Variants in GNG12 observed in about 807,000 individuals in gnomAD.
GNG12 encodes guanine nucleotide-binding protein G(I)/G(S)/G(O) subunit gamma-12.
For missense variants in GNG12, 69 were observed against 83.8 expected, an observed-to-expected ratio of 0.82 and a Z score of 0.69; for synonymous variants, 28 against 29.7, an observed-to-expected ratio of 0.94 and a Z score of 0.19.
intron 2 of GNG12, among the ~76,000 whole-genome samples, chr1:67,711,269 C>T (rs1334401227): frequency 1.3e-5 from 2 of 152,156 alleles, no homozygotes; most frequent in Non-Finnish European, 2.9e-5. Context: ...CTACCTTTCT[C>T]AGTTCTATGG....
intron 1 of GNG12, among the ~76,000 whole-genome samples, chr1:67,828,104 C>G (rs971701433): frequency 6.6e-6 from 1 of 152,152 alleles, no homozygotes; most frequent in East Asian, 1.9e-4. Context: ...TCTGTACTAT[C>G]CAGACCCCCT....
intron 2 of GNG12, among the ~76,000 whole-genome samples, chr1:67,719,419 C>G (rs752669991): frequency 7.2e-5 from 11 of 152,136 alleles, no homozygotes; most frequent in Non-Finnish European, 1.3e-4. Flanking sequence ...GAGTTGTGCA[C>G]TAATGCCCTA....
chr1:67,709,578 T>C (rs1646269340), intron 2 of GNG12, among the ~76,000 whole-genome samples: 1 of 151,690 alleles, frequency 6.6e-6, no homozygotes, highest in South Asian at 2.1e-4. Context: ...GACAAGCTCA[T>C]TTCAACACAT....
chr1:67,803,612 T>G (rs1646878958), intron 1 of GNG12, among the ~76,000 whole-genome samples: 1 of 152,224 alleles, frequency 6.6e-6, no homozygotes, highest in African/African-American at 2.4e-5. Flanking sequence ...GGCCCTGTGT[T>G]AAGTGCTTTG....
chr1:67,722,339 G>A (rs550719637), intron 2 of GNG12, among the ~76,000 whole-genome samples: 3 of 152,278 alleles, frequency 2.0e-5, no homozygotes, highest in African/African-American at 4.8e-5. Context: ...TGTACAGCTC[G>A]CTGACATTTG....
At chr1:67,724,339 C>T (rs1168985596) in intron 2 of GNG12, among the ~76,000 whole-genome samples, 4 of 152,156 alleles carry the variant, frequency 2.6e-5, no homozygotes, top group Non-Finnish European at 5.9e-5. Flanking sequence ...AGGTGAATCT[C>T]TCAGATATTA....
chr1:67,759,001 T>C (rs1385614113), intron 2 of GNG12, among the ~76,000 whole-genome samples: 2 of 152,128 alleles, frequency 1.3e-5, no homozygotes, highest in African/African-American at 4.8e-5. Flanking sequence ...CAACAATTTA[T>C]TGTATATTTC....
At chr1:67,721,753 T>G (rs1646357780) in intron 2 of GNG12, among the ~76,000 whole-genome samples, 1 of 152,204 alleles carries the variant, frequency 6.6e-6, no homozygotes, top group Non-Finnish European at 1.5e-5. Context: ...ATTCCCTGGT[T>G]GAGGGCTCTA....
chr1:67,810,986 C>T (rs138397166), intron 1 of GNG12, among the ~76,000 whole-genome samples: 1,636 of 152,176 alleles, frequency 0.011, 31 homozygotes, highest in African/African-American at 0.038. Flanking sequence ...CCCCCTGGAC[C>T]GGCAGCATCA....
chr1:67,711,179 A>G (rs1646293204), intron 2 of GNG12, among the ~76,000 whole-genome samples: 1 of 152,204 alleles, frequency 6.6e-6, no homozygotes, highest in Non-Finnish European at 1.5e-5. Context: ...ACTTTCTATG[A>G]ATATTGTATA....
At chr1:67,709,880 A>T (rs787256) in intron 2 of GNG12, among the ~76,000 whole-genome samples, 13,561 of 98,238 alleles carry the variant, frequency 0.14, 1,624 homozygotes, top group African/African-American at 0.25. Context: ...ATATATATTT[A>T]TATATATAGT....
At chr1:67,770,940 T>A (rs1646670693) in intron 2 of GNG12, among the ~76,000 whole-genome samples, 1 of 152,042 alleles carries the variant, frequency 6.6e-6, no homozygotes, top group African/African-American at 2.4e-5. Context: ...AAAAGGGCAT[T>A]TCAAATTTCC....
At chr1:67,777,637 C>T (rs1318412714) in intron 1 of GNG12, 130 bp from the exon 2 acceptor site, 1 of 156,398 alleles carries the variant, frequency 6.4e-6, no homozygotes, top group African/African-American at 2.4e-5. Flanking sequence ...CTTTTTCTGG[C>T]TCCTGATGGA....
At chr1:67,778,764 C>T (rs769756691) in intron 1 of GNG12, among the ~76,000 whole-genome samples, 1 of 152,086 alleles carries the variant, frequency 6.6e-6, no homozygotes, top group African/African-American at 2.4e-5. Flanking sequence ...CATGCTTTTA[C>T]CCACCACCCT....
chr1:67,799,739 T>C (rs1026284199), intron 1 of GNG12, among the ~76,000 whole-genome samples: 12 of 152,212 alleles, frequency 7.9e-5, no homozygotes, highest in Non-Finnish European at 1.8e-4. Context: ...TAAAATATAA[T>C]AGTAATAAAT....
rs140555398 is a variant in GNG12 at position 67,745,040 on chromosome 1, C to T, written c.-27+32418G>A. ...GATGCGAATAATAATTGCACCTATC[C>T]TATTGGATTGTATTGAGGAATGAAT... On this transcript the variant is annotated intron_variant, in intron 2 of 3. Transcript: ENST00000370982. Among the ~76,000 whole-genome samples the T allele has an allele frequency of 1.1e-4, 16 of 152,290 alleles. No homozygotes were observed. The East Asian group carries it at 2.9e-3, about 28-fold the overall frequency.
rs544037519 is a variant in GNG12, at chr1:67,703,703, G to A, written c.*1748C>T. The A allele has an allele frequency of 6.6e-6, 1 of 152,298 alleles. No homozygotes were observed. Among genetic ancestry groups the A allele is most frequent in the South Asian group, 2.1e-4 (1 of 4,826 alleles). The allele number at this position is 152,298 out of a possible 1,614,324, so 9.4% of individuals were successfully genotyped here. On this transcript the variant is annotated 3_prime_UTR_variant, in exon 4 of 4. Transcript: ENST00000370982. ...AAGGGCAGTGCCGTGATTTTCACAT[G>A]GCCTTAGAAAAGCGAGGGGCATTCA...
At chr1:67,740,494 T>G (rs1048587165) in intron 2 of GNG12, among the ~76,000 whole-genome samples, 1 of 152,268 alleles carries the variant, frequency 6.6e-6, no homozygotes, top group Non-Finnish European at 1.5e-5. Context: ...AAAGACTGTG[T>G]AGCCCACAAA....
At chr1:67,706,955 T>G (rs1214487451) in intron 3 of GNG12, among the ~76,000 whole-genome samples, 1 of 152,194 alleles carries the variant, frequency 6.6e-6, no homozygotes, top group Non-Finnish European at 1.5e-5. Flanking sequence ...CCACCGCGCC[T>G]GGCCAACTGC....
Sources: allele counts gnomAD v4.1 joint callset (sites outside exome capture counted in the v4.1 genomes callset), GRCh38; gene constraint gnomAD v4.1.1; transcripts MANE v1.5; gene names NCBI Gene and HGNC (gene_info 2026-07-23, HGNC 2026-07-21).